Variants in CDC42BPA observed in about 807,000 individuals in gnomAD.
The protein encoded by CDC42BPA is serine/threonine-protein kinase MRCK alpha.
Under a neutral mutation model 223.5 loss-of-function variants are expected in CDC42BPA, and 80 were observed. The observed-to-expected ratio is 0.36, with a 90% CI of 0.30 to 0.43. The LOEUF is 0.43. Ranked by LOEUF, CDC42BPA falls within the 20% of genes least tolerant of loss-of-function variation. The pLI, the probability that CDC42BPA is intolerant of heterozygous loss-of-function variation, is 1.00. For synonymous variants in CDC42BPA, 694 were observed against 718.6 expected (o/e 0.97, Z 0.55); for missense variants, 1,743 against 2,099.9 (o/e 0.83, Z 3.32).
chr1:227,245,150 G>C (rs1229301046), intron 2 of CDC42BPA, among the ~76,000 whole-genome samples: 2 of 152,124 alleles, frequency 1.3e-5, no homozygotes, highest in Non-Finnish European at 2.9e-5. Flanking sequence ...AGTGAACTAG[G>C]GTTGCTCATG....
intron 1 of CDC42BPA, among the ~76,000 whole-genome samples, chr1:227,298,871 C>T (rs1691161511): frequency 6.6e-6 from 1 of 152,112 alleles, no homozygotes; most frequent in Non-Finnish European, 1.5e-5. Context: ...TTAATCAAAA[C>T]TAAGCTGAAC....
At position 227,255,571 on chromosome 1, in the gene CDC42BPA, T is replaced by C. The variant is rs376896018; in HGVS notation, c.179-1416A>G. ...CAGGAGGCTAAGGCAGGAGGATAAC[T>C]TGAGCCCAGGTATTCGAGGCTGCAA... is the stretch of plus-strand genomic sequence containing the variant. On this transcript the variant is annotated intron_variant, in intron 1 of 36. Coordinates refer to ENST00000366766, the MANE Select transcript of CDC42BPA (RefSeq NM_001394014.1). Among the ~76,000 whole-genome samples the C allele has an allele frequency of 5.3e-5, 8 of 152,212 alleles. No homozygotes were observed. In the East Asian group the frequency reaches 5.8e-4, roughly 11 times the overall value.
At chr1:227,266,080 T>C (rs919777216) in intron 1 of CDC42BPA, among the ~76,000 whole-genome samples, 5 of 152,224 alleles carry the variant, frequency 3.3e-5, no homozygotes, top group African/African-American at 1.2e-4. Flanking sequence ...TTCTTCCTCA[T>C]TGACAGACCC....
rs532630586 is a variant in CDC42BPA at position 227,299,540 on chromosome 1, T to C, written c.178+17465A>G. 3.3e-5 allele frequency among the ~76,000 whole-genome samples: 5 copies of C among 152,294 alleles called. No homozygotes were observed. In the South Asian group the frequency reaches 1.0e-3, roughly 32 times the overall value. ...CTAACCCTATTTTAAGCTGTAAATATATAATGTTATCTAGATACACTGATT... is the reference window on the plus strand; with the variant it reads ...CTAACCCTATTTTAAGCTGTAAATACATAATGTTATCTAGATACACTGATT... On this transcript the variant is annotated intron_variant, in intron 1 of 36. Transcript: ENST00000366766.
Position 227,222,052 on chromosome 1 carries a change from CAAA to C in CDC42BPA, c.271-8836_271-8834del, listed in dbSNP as rs60588018. On this transcript the variant is annotated intron_variant, in intron 2 of 36. Coordinates refer to ENST00000366766, the MANE Select transcript of CDC42BPA (RefSeq NM_001394014.1). ...CAACATAGGAAGACCCTATCTCTAC[CAAA>C]AAAAAAAAAAAAAAAAAAAAAAAAT... is the stretch of plus-strand genomic sequence containing the variant. Among the ~76,000 whole-genome samples, 81 of 86,500 alleles carry C rather than the reference CAAA, an allele frequency of 9.4e-4. 1 individual carries two copies. Among genetic ancestry groups the C allele is most frequent in the East Asian group, 3.3e-3 (10 of 3,022 alleles). The allele number at this position is 86,500 out of a possible 152,430, so 56.7% of individuals were successfully genotyped here.
intron 11 of CDC42BPA, among the ~76,000 whole-genome samples, chr1:227,122,478 C>G (rs1688817613): frequency 6.6e-6 from 1 of 152,126 alleles, no homozygotes; most frequent in African/African-American, 2.4e-5. Context: ...GATATTTTTA[C>G]TGATTTGTTT....
intron 2 of CDC42BPA, among the ~76,000 whole-genome samples, chr1:227,231,189 A>C: frequency 8.0e-6 from 1 of 125,338 alleles, no homozygotes; most frequent in Admixed American, 1.1e-4. Context: ...CCTGTGTCCA[A>C]GCGTTCTCGT....
intron 1 of CDC42BPA, among the ~76,000 whole-genome samples, chr1:227,306,848 C>G (rs1371992618): frequency 1.3e-5 from 2 of 152,112 alleles, no homozygotes; most frequent in Non-Finnish European, 2.9e-5. Context: ...CAGGGCATAC[C>G]ACTTCTAAGT....
At chr1:227,232,360 C>T (rs1346016609) in intron 2 of CDC42BPA, among the ~76,000 whole-genome samples, 1 of 152,090 alleles carries the variant, frequency 6.6e-6, no homozygotes. Context: ...GGTACCAGTA[C>T]CATGCTGTTT....
chr1:227,025,918 C>A, intron 31 of CDC42BPA, 137 bp downstream of exon 31: 1 of 561,378 alleles, frequency 1.8e-6, no homozygotes, highest in East Asian at 3.3e-5. Flanking sequence ...TCTATTTTCT[C>A]ACTCTTAGCT....
intron 14 of CDC42BPA, among the ~76,000 whole-genome samples, chr1:227,104,196 C>T (rs1685515186): frequency 6.6e-6 from 1 of 151,938 alleles, no homozygotes; most frequent in South Asian, 2.1e-4. Flanking sequence ...CTTTTTTGGC[C>T]TCTCGTATTT....
intron 10 of CDC42BPA, among the ~76,000 whole-genome samples, chr1:227,132,783 G>A (rs1202323931): frequency 7.0e-6 from 1 of 142,100 alleles, no homozygotes; most frequent in East Asian, 2.1e-4. Context: ...CTGCCCCGCC[G>A]CCCCGTCTGG....
chr1:227,309,267 T>C (rs1693116102), intron 1 of CDC42BPA, among the ~76,000 whole-genome samples: 1 of 151,866 alleles, frequency 6.6e-6, no homozygotes, highest in Non-Finnish European at 1.5e-5. Flanking sequence ...TGTCTGTCTT[T>C]AAACAATGAA....
At chr1:227,155,783 G>A (rs951587100) in intron 6 of CDC42BPA, among the ~76,000 whole-genome samples, 2 of 152,166 alleles carry the variant, frequency 1.3e-5, no homozygotes, top group Non-Finnish European at 2.9e-5. Context: ...ATGAGTATTT[G>A]TATTGTCATA....
At position 227,080,917 on chromosome 1, in the gene CDC42BPA, G is replaced by C. The variant is rs903074873; in HGVS notation, c.2456C>G (p.Ala819Gly). The change falls in exon 17 of 37, where the codon GCC becomes GGC. Residue 819 changes from alanine (A) to glycine (G), a missense_variant. This residue lies in a region of CDC42BPA where 464 missense variants were observed against 488.0 expected (regional missense o/e 0.95). Coordinates refer to ENST00000366766, the MANE Select transcript of CDC42BPA (RefSeq NM_001394014.1). ...DKKESVAHWE[A>G]QITEIIQWVS... ...CCACTGAATTATTTCTGTGATTTGG[G>C]CTTCCCAATGTGCAACTGATTCTTT... 1 of 1,613,686 alleles carries C rather than the reference G, an allele frequency of 6.2e-7. No homozygotes were observed. The highest frequency in any genetic ancestry group is 8.5e-7 in the Non-Finnish European group (1 of 1,179,856).
At chr1:227,155,079 A>G (rs1662478361) in intron 6 of CDC42BPA, among the ~76,000 whole-genome samples, 1 of 152,180 alleles carries the variant, frequency 6.6e-6, no homozygotes, top group Non-Finnish European at 1.5e-5. Flanking sequence ...AAAGTCACAA[A>G]CTTGGGAAAA....
At chr1:227,163,030 ATATG>A (rs1484790528) in intron 5 of CDC42BPA, among the ~76,000 whole-genome samples, 6 of 23,824 alleles carry the variant, frequency 2.5e-4, no homozygotes, top group African/African-American at 4.0e-4. Flanking sequence ...GTTTCCAAAC[ATATG>A]TGTTTCCAAA....
intron 3 of CDC42BPA, among the ~76,000 whole-genome samples, chr1:227,203,801 T>C (rs1433421486): frequency 6.6e-6 from 1 of 152,194 alleles, no homozygotes; most frequent in Non-Finnish European, 1.5e-5. Context: ...TTATCCTTAA[T>C]GGACTATTGG....
chr1:227,004,994 TTGC>T lies in CDC42BPA; in HGVS notation c.4972_4974del (p.Ala1658del). On this transcript the variant is annotated inframe_deletion and splice_region_variant, in exon 35 of 37. Coordinates refer to ENST00000366766, the MANE Select transcript of CDC42BPA (RefSeq NM_001394014.1). ...ACCTTCCTGTAGCCCCGGCACTTAC[TTGC>T]TGACAAGCCACTGCTAGCACTCATG... 1 of 1,609,888 alleles carries T rather than the reference TTGC, an allele frequency of 6.2e-7. No individual in the cohort carries two copies. Among genetic ancestry groups the T allele is most frequent in the East Asian group, 2.2e-5 (1 of 44,856 alleles).
Sources: gnomAD v4.1 joint callset for allele counts (sites outside exome capture counted in the v4.1 genomes callset) on GRCh38, gnomAD v4.1.1 for gene constraint, gnomAD v4.1.1 regional missense constraint, MANE v1.5 for transcripts, NCBI Gene and HGNC (gene_info 2026-07-23, HGNC 2026-07-21) for gene names.